The following GPR161 variants were observed in gnomAD, a reference collection of about 807,000 sequenced individuals.
GPR161 encodes G-protein coupled receptor RE2.
Under a neutral mutation model 39.2 loss-of-function variants are expected in GPR161, and 25 were observed. The ratio of observed to expected loss-of-function variants is 0.64; its 90% CI spans 0.47 to 0.89. The LOEUF is 0.89. Ranked by LOEUF, GPR161 falls within the 40% of genes least tolerant of loss-of-function variation. GPR161 has a pLI of 0.00. For synonymous variants in GPR161, 286 were observed against 276.6 expected, an observed-to-expected ratio of 1.03 and a Z score of -0.34; for missense variants, 547 against 677.8, an observed-to-expected ratio of 0.81 and a Z score of 2.14.
At chr1:168,122,530 G>A (rs1698261021) in intron 1 of GPR161, among the ~76,000 whole-genome samples, 1 of 152,162 alleles carries the variant, frequency 6.6e-6, no homozygotes, top group African/African-American at 2.4e-5. Flanking sequence ...CACAGAGCAA[G>A]CCCAAAGTTG....
chr1:168,087,729 T>C, intron 4 of GPR161, 25 bp from the exon 5 acceptor site: 1 of 1,591,900 alleles, frequency 6.3e-7, no homozygotes, highest in Non-Finnish European at 8.6e-7. Context: ...AGATTGTGCA[T>C]ATGTAACTAC....
intron 1 of GPR161, among the ~76,000 whole-genome samples, chr1:168,116,593 A>G (rs943365735): frequency 5.9e-5 from 9 of 152,334 alleles, no homozygotes; most frequent in Admixed American, 1.3e-4. Context: ...TGAGAGGCAG[A>G]AAGAGATCAC....
chr1:168,091,161 G>A (rs1237664330), intron 3 of GPR161, among the ~76,000 whole-genome samples: 1 of 152,178 alleles, frequency 6.6e-6, no homozygotes, highest in African/African-American at 2.4e-5. Flanking sequence ...ACTGAGGTTG[G>A]CAACGGGGAG....
intron 4 of GPR161, 170 bp downstream of exon 4, chr1:168,090,393 GA>G: frequency 7.7e-6 from 4 of 520,478 alleles, no homozygotes; most frequent in Non-Finnish European, 1.4e-5. Flanking sequence ...CAGGAAAGCT[GA>G]AAAGTCAAAG....
At chr1:168,095,662 G>A (rs1435548663) in intron 3 of GPR161, among the ~76,000 whole-genome samples, 1 of 152,062 alleles carries the variant, frequency 6.6e-6, no homozygotes, top group Non-Finnish European at 1.5e-5. Context: ...GGATTGTCTG[G>A]GACCATCTGA....
At chr1:168,121,006 GA>G (rs1411435996) in intron 1 of GPR161, among the ~76,000 whole-genome samples, 2 of 151,614 alleles carry the variant, frequency 1.3e-5, no homozygotes, top group East Asian at 1.9e-4. Context: ...AAAAATTTTG[GA>G]AAAAAAACAT....
chr1:168,096,417 T>G, intron 3 of GPR161, 91 bp downstream of exon 3: 4 of 1,324,414 alleles, frequency 3.0e-6, no homozygotes, highest in African/African-American at 1.5e-5. Flanking sequence ...CCAGTCAGCC[T>G]GAGAACTCAC....
chr1:168,113,049 T>C (rs755297649), intron 1 of GPR161, among the ~76,000 whole-genome samples: 3 of 152,128 alleles, frequency 2.0e-5, no homozygotes, highest in Non-Finnish European at 4.4e-5. Context: ...AGCAAATCCC[T>C]CAGGGTGTAT....
In GPR161 at chr1:168,126,613, A is replaced by G. The variant is rs1213575257; in HGVS notation, c.-45+10126T>C. Among the ~76,000 whole-genome samples the G allele has an allele frequency of 3.3e-5, 5 of 152,110 alleles. No individual in the cohort carries two copies. The South Asian group carries it at 6.2e-4, about 19-fold the overall frequency. ...ACTACAGGTGTGTGCCACCACACCT[A>G]GCTAATTTTTGTACTGTTTTTGTAA... On this transcript the variant is annotated intron_variant, in intron 1 of 5. Transcript: ENST00000682931.
chr1:168,137,614 G>T, upstream of GPR161: 2 of 593,842 alleles, frequency 3.4e-6, no homozygotes, highest in East Asian at 2.8e-5. Context: ...TCGGGGGACG[G>T]AACAGTTCCT....
intron 1 of GPR161, chr1:168,134,058 A>G (rs1175284053): frequency 6.3e-6 from 1 of 157,494 alleles, no homozygotes; most frequent in Non-Finnish European, 1.4e-5. Flanking sequence ...TTGAAAAATT[A>G]CTATATTCCA....
rs752272247 is a variant in GPR161 at position 168,097,165 on chromosome 1, G to A, written c.442C>T (p.Leu148Phe). ...KITGNRAVMA[L>F]VYIWLHSLIG... ...AGCGAGTGAAGCCAGATGTAGACAAGTGCCATCACAGCCCGGTTCCCTGTG... is the reference window on the plus strand; with the variant it reads ...AGCGAGTGAAGCCAGATGTAGACAAATGCCATCACAGCCCGGTTCCCTGTG... The change falls in exon 3 of 6, where the codon CTT (leucine) becomes TTT (phenylalanine). Residue 148 changes from leucine (L) to phenylalanine (F), a missense_variant. Leu to Phe is a conservative substitution (Grantham distance 22). Coordinates refer to ENST00000682931, the MANE Select transcript of GPR161 (RefSeq NM_001375883.1). The A allele has an allele frequency of 1.2e-6, 2 of 1,614,074 alleles. No individual in the cohort carries two copies. The highest frequency in any genetic ancestry group is 1.1e-5 in the South Asian group (1 of 91,082).
At position 168,104,602 on chromosome 1, in the gene GPR161, A is replaced by G; in HGVS notation, c.249T>C (p.Phe83=). Residue 83 remains phenylalanine, a synonymous_variant, in exon 2 of 6, where the codon TTT becomes TTC. Transcript: ENST00000682931. ...NFLLSVLVLP[F]VVTSSIRREW... ...CCCTGCGGATGGAGCTCGTCACCACAAAAGGCAGCACCAACACGGACAGCA... is the reference window on the plus strand; with the variant it reads ...CCCTGCGGATGGAGCTCGTCACCACGAAAGGCAGCACCAACACGGACAGCA... 1 of 1,614,058 alleles carries G rather than the reference A, an allele frequency of 6.2e-7. No individual in the cohort carries two copies. Among genetic ancestry groups the G allele is most frequent in the Middle Eastern group, 1.6e-4 (1 of 6,062 alleles).
intron 1 of GPR161, among the ~76,000 whole-genome samples, chr1:168,108,111 A>G (rs1373203782): frequency 6.6e-6 from 1 of 152,198 alleles, no homozygotes; most frequent in Non-Finnish European, 1.5e-5. Flanking sequence ...CATGGCTGAA[A>G]ACAAAGGGGA....
At chr1:168,090,383 C>G (rs1694935743) in intron 4 of GPR161, 181 bp downstream of exon 4, 2 of 516,852 alleles carry the variant, frequency 3.9e-6, no homozygotes, top group African/African-American at 3.8e-5. Flanking sequence ...AACTGAGACA[C>G]AGGAAAGCTG....
chr1:168,114,376 T>A (rs1409391095), intron 1 of GPR161: 1 of 151,050 alleles, frequency 6.6e-6, no homozygotes, highest in African/African-American at 2.4e-5. Flanking sequence ...AGGTCAGGAG[T>A]TCAAGACCAA....
intron 1 of GPR161, among the ~76,000 whole-genome samples, chr1:168,112,648 G>C (rs947968474): frequency 2.6e-5 from 4 of 151,966 alleles, no homozygotes; most frequent in African/African-American, 9.7e-5. Flanking sequence ...CTTGAGGTCA[G>C]GAGTTCGGGA....
chr1:168,132,074 C>G (rs985263510), intron 1 of GPR161, among the ~76,000 whole-genome samples: 5 of 151,974 alleles, frequency 3.3e-5, no homozygotes, highest in African/African-American at 1.2e-4. Context: ...AGACCAGCCT[C>G]GCCAATATGG....
At chr1:168,117,575 G>A (rs575213530) in intron 1 of GPR161, among the ~76,000 whole-genome samples, 1 of 152,292 alleles carries the variant, frequency 6.6e-6, no homozygotes, top group East Asian at 1.9e-4. Flanking sequence ...TTGGTGGTAG[G>A]AGTCAATGAA....
Sources: gnomAD v4.1 joint callset for allele counts (sites outside exome capture counted in the v4.1 genomes callset) on GRCh38, gnomAD v4.1.1 for gene constraint, MANE v1.5 for transcripts, NCBI Gene and HGNC (gene_info 2026-07-23, HGNC 2026-07-21) for gene names.